The following DOCK3 variants were observed in gnomAD, a reference collection of about 807,000 sequenced individuals.
The protein encoded by DOCK3 is dedicator of cytokinesis 3.
DOCK3 carries 60 observed loss-of-function variants against 265.6 expected under a neutral mutation model. The ratio of observed to expected loss-of-function variants is 0.23; its 90% CI spans 0.18 to 0.28. The LOEUF (loss-of-function observed/expected upper bound fraction) is 0.28, where lower values mean the gene tolerates loss of function less well. Among genes scored for constraint, DOCK3 ranks in the 10% least tolerant of loss-of-function variants. The pLI, the probability that DOCK3 is intolerant of heterozygous loss-of-function variation, is 1.00. For synonymous variants in DOCK3, 881 were observed against 938.0 expected, an observed-to-expected ratio of 0.94 and a Z score of 1.11; for missense variants, 1,981 against 2,594.3, an observed-to-expected ratio of 0.76 and a Z score of 5.14.
chr3:51,356,845 A>C, intron 43 of DOCK3, 117 bp from the exon 44 acceptor site: 1 of 1,260,684 alleles, frequency 7.9e-7, no homozygotes, highest in Non-Finnish European at 1.1e-6. Context: ...GGGAGTCTCA[A>C]GTTCACAGGA....
At chr3:51,025,860 GTCT>G (rs2079791860) in intron 5 of DOCK3, among the ~76,000 whole-genome samples, 1 of 152,092 alleles carries the variant, frequency 6.6e-6, no homozygotes. Context: ...AGAGTTTAAG[GTCT>G]TCTTCCATGG....
intron 5 of DOCK3, among the ~76,000 whole-genome samples, chr3:50,982,167 G>A (rs1319816535): frequency 3.3e-5 from 5 of 151,984 alleles, no homozygotes; most frequent in African/African-American, 4.8e-5. Context: ...TGTTTCTTGC[G>A]AAGTGAATTT....
intron 1 of DOCK3, among the ~76,000 whole-genome samples, chr3:50,691,021 G>T (rs1316448418): frequency 6.6e-6 from 1 of 151,844 alleles, no homozygotes; most frequent in African/African-American, 2.4e-5. Context: ...GGTGGCTCAT[G>T]CCTGTAATCC....
intron 49 of DOCK3, among the ~76,000 whole-genome samples, chr3:51,365,904 G>A (rs1415874883): frequency 6.6e-6 from 1 of 152,122 alleles, no homozygotes; most frequent in Non-Finnish European, 1.5e-5. Flanking sequence ...TTTTATTGAG[G>A]ATTTTTGCAT....
intron 2 of DOCK3, among the ~76,000 whole-genome samples, chr3:50,814,286 G>A (rs777174955): frequency 9.2e-5 from 14 of 151,818 alleles, no homozygotes; most frequent in Non-Finnish European, 2.1e-4. Flanking sequence ...ATTATTATTA[G>A]GACAGGATGT....
chr3:50,719,257 TTAGA>T (rs1473086627), intron 1 of DOCK3, among the ~76,000 whole-genome samples: 3 of 134,366 alleles, frequency 2.2e-5, no homozygotes, highest in Non-Finnish European at 4.6e-5. Flanking sequence ...CTGTTTCAGT[TTAGA>T]TATTTTCTTT....
intron 4 of DOCK3, among the ~76,000 whole-genome samples, chr3:50,904,278 A>G (rs921322320): frequency 6.6e-6 from 1 of 152,242 alleles, no homozygotes; most frequent in African/African-American, 2.4e-5. Context: ...GTATATACCC[A>G]GTAATGGGAT....
chr3:51,023,983 C>T (rs964402013), intron 5 of DOCK3, among the ~76,000 whole-genome samples: 2 of 152,094 alleles, frequency 1.3e-5, no homozygotes, highest in African/African-American at 4.8e-5. Flanking sequence ...GGATTTATTT[C>T]TAATTTGGAT....
chr3:51,167,708 T>C (rs535602165), intron 12 of DOCK3, among the ~76,000 whole-genome samples: 5 of 152,320 alleles, frequency 3.3e-5, no homozygotes, highest in African/African-American at 4.8e-5. Flanking sequence ...TTTTTGATGC[T>C]ATCATAAATG....
At position 50,907,452 on chromosome 3, in the gene DOCK3, A is replaced by T. The variant is rs571769982; in HGVS notation, c.218+17371A>T. On this transcript the variant is annotated intron_variant, in intron 4 of 52. Coordinates refer to ENST00000266037, the MANE Select transcript of DOCK3 (RefSeq NM_004947.5). ...CTGGTTGCTCCTGTATTGGGTGCAT[A>T]TATGCTTAGGACAGTTAGCTCTTCT... 4.6e-5 allele frequency among the ~76,000 whole-genome samples: 7 copies of T among 152,206 alleles called. No homozygotes were observed. The South Asian group carries it at 1.5e-3, about 32-fold the overall frequency.
At chr3:51,174,591 T>C (rs2086848518) in intron 12 of DOCK3, among the ~76,000 whole-genome samples, 1 of 152,262 alleles carries the variant, frequency 6.6e-6, no homozygotes, top group Admixed American at 6.5e-5. Flanking sequence ...AAGATGATTA[T>C]TTTGAACTCT....
chr3:50,842,608 G>A (rs1182730987), intron 3 of DOCK3, among the ~76,000 whole-genome samples: 1 of 152,002 alleles, frequency 6.6e-6, no homozygotes, highest in Non-Finnish European at 1.5e-5. Flanking sequence ...ATGTTTAGCA[G>A]AGTATATGGC....
At chr3:50,690,849 G>A (rs766052839) in intron 1 of DOCK3, among the ~76,000 whole-genome samples, 2 of 151,566 alleles carry the variant, frequency 1.3e-5, no homozygotes, top group Non-Finnish European at 2.9e-5. Context: ...CACTATGTTC[G>A]CCAAGCTGGT....
At chr3:51,209,553 C>A (rs555541923) in intron 13 of DOCK3, among the ~76,000 whole-genome samples, 2 of 152,168 alleles carry the variant, frequency 1.3e-5, no homozygotes, top group Middle Eastern at 3.2e-3. Flanking sequence ...ATCTAATTTA[C>A]GCAGAACCAG....
At chr3:51,214,047 ATGTGACTG>A in intron 13 of DOCK3, 67 bp from the exon 14 acceptor site, 1 of 1,591,784 alleles carries the variant, frequency 6.3e-7, no homozygotes, top group East Asian at 2.2e-5. Flanking sequence ...CTTCTGGAAA[ATGTGACTG>A]TGTCTTTTCA....
At chr3:51,133,391 C>T (rs1250535314) in intron 9 of DOCK3, among the ~76,000 whole-genome samples, 2 of 147,572 alleles carry the variant, frequency 1.4e-5, no homozygotes, top group African/African-American at 2.5e-5. Context: ...TCAATTCCCA[C>T]CTATGAGCGA....
chr3:50,924,167 C>A, intron 4 of DOCK3, among the ~76,000 whole-genome samples: 1 of 152,058 alleles, frequency 6.6e-6, no homozygotes, highest in East Asian at 1.9e-4. Context: ...AGATAGAAAG[C>A]AAAAAATTTG....
Position 50,902,720 on chromosome 3 carries a change from A to G in DOCK3, c.218+12639A>G, listed in dbSNP as rs181805909. On this transcript the variant is annotated intron_variant, in intron 4 of 52. Transcript: ENST00000266037. ...TCTTCTAATTCTGTGAAGAATGTCA[A>G]TGATAGGTTTATGGGAATAGAACTG... 2.6e-5 allele frequency among the ~76,000 whole-genome samples: 4 copies of G among 152,270 alleles called. No individual in the cohort carries two copies. The East Asian group carries it at 7.7e-4, about 29-fold the overall frequency.
chr3:51,240,407 C>T (rs1376459236), intron 21 of DOCK3, among the ~76,000 whole-genome samples: 1 of 152,152 alleles, frequency 6.6e-6, no homozygotes, highest in East Asian at 1.9e-4. Context: ...AATGTATGTT[C>T]TCTTGCTTTT....
Sources: gnomAD v4.1 joint callset for allele counts (sites outside exome capture counted in the v4.1 genomes callset) on GRCh38, gnomAD v4.1.1 for gene constraint, MANE v1.5 for transcripts, NCBI Gene and HGNC (gene_info 2026-07-23, HGNC 2026-07-21) for gene names.